The following FYN variants were observed in gnomAD, a reference collection of about 807,000 sequenced individuals.
FYN encodes tyrosine-protein kinase Fyn.
FYN carries 10 observed loss-of-function variants against 70.2 expected under a neutral mutation model. The observed-to-expected ratio is 0.14, with a 90% CI of 0.09 to 0.24. The LOEUF is 0.24. Among genes scored for constraint, FYN ranks in the 10% least tolerant of loss-of-function variants. FYN has a pLI of 1.00. For missense variants in FYN, 319 were observed against 673.1 expected, an observed-to-expected ratio of 0.47 and a Z score of 5.82; for synonymous variants, 236 against 248.6, an observed-to-expected ratio of 0.95 and a Z score of 0.48.
At chr6:111,695,630 C>T (rs549003593) in intron 10 of FYN, among the ~76,000 whole-genome samples, 1 of 152,308 alleles carries the variant, frequency 6.6e-6, no homozygotes, top group South Asian at 2.1e-4. Context: ...AGAAAAATTA[C>T]ACTGGTATCC....
intron 2 of FYN, among the ~76,000 whole-genome samples, chr6:111,825,672 G>A (rs530033643): frequency 3.7e-4 from 57 of 152,138 alleles, no homozygotes; most frequent in Non-Finnish European, 2.9e-4. Flanking sequence ...TGCCTTCCTG[G>A]TTCTTCCCTT....
At chr6:111,676,238 C>G (rs1798525442) in intron 12 of FYN, among the ~76,000 whole-genome samples, 1 of 152,112 alleles carries the variant, frequency 6.6e-6, no homozygotes, top group African/African-American at 2.4e-5. Flanking sequence ...TATAATTTTC[C>G]TCTCCATCTC....
At chr6:111,774,453 G>A (rs1803625709) in intron 3 of FYN, among the ~76,000 whole-genome samples, 1 of 152,082 alleles carries the variant, frequency 6.6e-6, no homozygotes, top group African/African-American at 2.4e-5. Context: ...GCTCTTCACT[G>A]GGCAGGACTG....
intron 3 of FYN, among the ~76,000 whole-genome samples, chr6:111,741,354 G>A (rs981481980): frequency 6.6e-6 from 1 of 152,196 alleles, no homozygotes; most frequent in Non-Finnish European, 1.5e-5. Context: ...CAGACACTCA[G>A]TGGATGCTAA....
intron 2 of FYN, among the ~76,000 whole-genome samples, chr6:111,836,822 T>C (rs1247828718): frequency 6.6e-6 from 1 of 152,202 alleles, no homozygotes; most frequent in Admixed American, 6.5e-5. Context: ...TTTGCTCTGT[T>C]GGTTCTGAAA....
chr6:111,760,202 G>GA (rs1052767424), intron 3 of FYN, among the ~76,000 whole-genome samples: 6 of 151,660 alleles, frequency 4.0e-5, no homozygotes, highest in African/African-American at 1.2e-4. Context: ...AATACAGCCA[G>GA]AAAAAAAAGC....
At chr6:111,856,790 T>C (rs2114507384) in intron 1 of FYN, among the ~76,000 whole-genome samples, 1 of 152,076 alleles carries the variant, frequency 6.6e-6, no homozygotes, top group East Asian at 1.9e-4. Flanking sequence ...TTGAGAAAAT[T>C]TGCTAAGAGT....
At chr6:111,688,868 A>AG (rs147194609) in intron 12 of FYN, among the ~76,000 whole-genome samples, 29 of 152,226 alleles carry the variant, frequency 1.9e-4, no homozygotes, top group Middle Eastern at 3.4e-3. Context: ...GTCCGGGGTG[A>AG]GGGGGCCCTT....
Position 111,703,051 on chromosome 6 carries a change from G to A in FYN, c.548-17C>T, listed in dbSNP as rs747341065. On this transcript the variant is annotated splice_polypyrimidine_tract_variant and intron_variant, in intron 7 of 13. Transcript: ENST00000354650. ...AATAGGCACCTGGTAAACGTGGAAA[G>A]CATTAGCAGCTCCAATCATTTAGAG... The A allele has an allele frequency of 8.1e-6, 13 of 1,611,544 alleles. No individual in the cohort carries two copies. In the Admixed American group the frequency reaches 1.2e-4, roughly 15 times the overall value.
intron 2 of FYN, among the ~76,000 whole-genome samples, chr6:111,787,962 T>C (rs1350239452): frequency 6.6e-6 from 1 of 152,170 alleles, no homozygotes; most frequent in Non-Finnish European, 1.5e-5. Flanking sequence ...TCTTTCATTT[T>C]TTCCTCCTCC....
At chr6:111,754,557 C>G (rs565688307) in intron 3 of FYN, 2 of 152,116 alleles carry the variant, frequency 1.3e-5, no homozygotes, top group African/African-American at 4.8e-5. Flanking sequence ...TGTTGCTATG[C>G]GTTGTTTTCC....
In FYN at chr6:111,779,120, C is replaced by CTTTTT. The variant is rs776994144; in HGVS notation, c.-12+1445_-12+1446insAAAAA. On this transcript the variant is annotated intron_variant, in intron 3 of 13. Transcript: ENST00000354650. ...TCCCTTGTCAGGGATCAGTAGGAGA[C>CTTTTT]ATTTTTTTTTTTTTTTTTTTTTTTT... is the stretch of plus-strand genomic sequence containing the variant. Among the ~76,000 whole-genome samples the CTTTTT allele has an allele frequency of 7.7e-4, 87 of 112,532 alleles. 2 individuals carry two copies. The highest frequency in any genetic ancestry group is 2.3e-3 in the African/African-American group (66 of 28,298). The allele number at this position is 112,532 out of a possible 152,430, so 73.8% of individuals were successfully genotyped here. A position where few individuals can be genotyped will look rare whatever the true frequency, so the allele number is the denominator to read the frequency against.
intron 3 of FYN, among the ~76,000 whole-genome samples, chr6:111,756,747 A>C (rs1477867950): frequency 6.6e-6 from 1 of 152,210 alleles, no homozygotes; most frequent in East Asian, 1.9e-4. Context: ...CAGAAAAGGC[A>C]CTCAGTAATA....
In FYN at chr6:111,665,995, C is replaced by CTTT. The variant is rs991104460; in HGVS notation, c.1406-4051_1406-4049dup. 5.4e-3 allele frequency among the ~76,000 whole-genome samples: 485 copies of CTTT among 89,052 alleles called. 1 individual carries two copies. The highest frequency in any genetic ancestry group is 6.3e-3 in the African/African-American group (137 of 21,818). 58.4% of individuals were successfully genotyped at this position (89,052 alleles called of 152,430 possible). A position where few individuals can be genotyped will look rare whatever the true frequency, so the allele number is the denominator to read the frequency against. On this transcript the variant is annotated intron_variant, in intron 13 of 13. Coordinates refer to ENST00000354650, the MANE Select transcript of FYN (RefSeq NM_002037.5). ...GCTGGAAATGTTTTTCCTTTTTCTCCTTTTTTTTTTTTTTTTTTTTTTTTG... is the reference window on the plus strand; with the variant it reads ...GCTGGAAATGTTTTTCCTTTTTCTCCTTTTTTTTTTTTTTTTTTTTTTTTTTTG...
At chr6:111,719,773 C>A (rs1279421438) in intron 4 of FYN, 32 bp downstream of exon 4, 1 of 1,598,388 alleles carries the variant, frequency 6.3e-7, no homozygotes, top group African/African-American at 1.3e-5. Context: ...GTGGCTGCCC[C>A]CTCTCTGCAC....
intron 3 of FYN, among the ~76,000 whole-genome samples, chr6:111,766,712 C>T (rs922313473): frequency 6.6e-6 from 1 of 152,174 alleles, no homozygotes; most frequent in African/African-American, 2.4e-5. Context: ...GGAAAAGCCC[C>T]TTATAAAACC....
chr6:111,696,768 T>C (rs1799593522), intron 9 of FYN: 1 of 218,700 alleles, frequency 4.6e-6, no homozygotes, highest in Admixed American at 5.9e-5. Context: ...CCAAAAGCTC[T>C]GCACCATACA....
chr6:111,669,879 A>T (rs543416941), intron 13 of FYN, among the ~76,000 whole-genome samples: 4 of 151,964 alleles, frequency 2.6e-5, no homozygotes, highest in African/African-American at 9.7e-5. Context: ...ATACACACAA[A>T]CGGGGGGCCC....
At chr6:111,747,874 C>T (rs12525113) in intron 3 of FYN, among the ~76,000 whole-genome samples, 10,889 of 152,270 alleles carry the variant, frequency 0.072, 999 homozygotes, top group African/African-American at 0.22. Context: ...TTCATTCTTA[C>T]GAATCTCCAG....
Sources: allele counts gnomAD v4.1 joint callset (sites outside exome capture counted in the v4.1 genomes callset), GRCh38; gene constraint gnomAD v4.1.1; transcripts MANE v1.5; gene names NCBI Gene and HGNC (gene_info 2026-07-23, HGNC 2026-07-21).